Variants in ANXA6 observed in about 807,000 individuals in gnomAD.
ANXA6 encodes the protein 67 kDa calelectrin.
Under a neutral mutation model 95.4 loss-of-function variants are expected in ANXA6, and 71 were observed. The observed-to-expected ratio is 0.74, with a 90% confidence interval of 0.61 to 0.91. The LOEUF is 0.91. Ranked by LOEUF, ANXA6 falls within the 40% of genes least tolerant of loss-of-function variation. ANXA6 has a pLI of 0.00. For synonymous variants in ANXA6, 289 were observed against 315.9 expected (o/e 0.91, Z 0.90); for missense variants, 830 against 876.4 (o/e 0.95, Z 0.67).
At position 151,124,288 on chromosome 5, in the gene ANXA6, A is replaced by C; in HGVS notation, c.1136T>G (p.Leu379Arg). 6.2e-7 allele frequency: 1 copy of C among 1,613,416 alleles called. No homozygotes were observed. The highest frequency in any genetic ancestry group is 1.1e-5 in the South Asian group (1 of 90,918). The change falls in exon 15 of 26, where the codon CTC becomes CGC. Residue 379 changes from leucine (L) to arginine (R), a missense_variant and splice_region_variant. Physicochemically the swap from Leu to Arg is moderately radical, Grantham distance 102. Transcript: ENST00000354546. ...AKALRKAMKG[L>R]GTDEDTIIDI... ...TGCTCCCTTCCCATCCCCCATACCG[A>C]GTCCCTTCATGGCTTTCCGCAGCGC...
chr5:151,137,636 G>A (rs969575166), intron 5 of ANXA6, among the ~76,000 whole-genome samples: 4 of 152,248 alleles, frequency 2.6e-5, no homozygotes, highest in South Asian at 2.1e-4. Context: ...CTGTTCTCAC[G>A]ATCGTAAGTT....
intron 7 of ANXA6, 132 bp downstream of exon 7, chr5:151,136,124 G>T: frequency 1.3e-6 from 1 of 748,368 alleles, no homozygotes; most frequent in South Asian, 1.8e-5. Context: ...AGAGAAAGAG[G>T]ATTAGCCAAA....
At chr5:151,129,319 A>T in intron 12 of ANXA6, 88 bp downstream of exon 12, 1 of 1,534,368 alleles carries the variant, frequency 6.5e-7, no homozygotes, top group Non-Finnish European at 8.9e-7. Context: ...TTCCTAGGAC[A>T]TTTCCTTTTC....
At chr5:151,113,264 T>C (rs916030483) in intron 20 of ANXA6, among the ~76,000 whole-genome samples, 3 of 152,068 alleles carry the variant, frequency 2.0e-5, no homozygotes, top group African/African-American at 7.2e-5. Flanking sequence ...TAGCCGGGTG[T>C]GGTGGCAGGT....
At position 151,100,899 on chromosome 5, in the gene ANXA6, G is replaced by C. The variant is rs1408717418; in HGVS notation, c.*549C>G. On this transcript the variant is annotated 3_prime_UTR_variant, in exon 26 of 26. Transcript: ENST00000354546. ...GGGGCTGGCCTAAGGTCAGAAACAA[G>C]TGCATGGCAGATGCAGATTTGAACC... 2.2e-6 allele frequency: 1 copy of C among 456,412 alleles called. No homozygotes were observed. The highest frequency in any genetic ancestry group is 2.3e-5 in the Admixed American group (1 of 42,580). The allele number at this position is 456,412 out of a possible 1,614,324, so 28.3% of individuals were successfully genotyped here.
chr5:151,135,315 T>C (rs1765628179), intron 7 of ANXA6, among the ~76,000 whole-genome samples: 4 of 152,158 alleles, frequency 2.6e-5, no homozygotes, highest in South Asian at 2.1e-4. Context: ...GATACAGGGA[T>C]AGGACACTCC....
In ANXA6 at chr5:151,139,338, G is replaced by A. The variant is rs372716460; in HGVS notation, c.204+15C>T. 112 of 1,590,416 alleles carry A rather than the reference G, an allele frequency of 7.0e-5. No homozygotes were observed. Among genetic ancestry groups the A allele is most frequent in the Admixed American group, 1.2e-4 (7 of 58,516 alleles). ...TCCACCCGCACCCCATGGGCCCTCC[G>A]GTTGCTGTGGTTACCTTGCCGTAGA... On this transcript the variant is annotated intron_variant, in intron 4 of 25. Coordinates refer to ENST00000354546, the MANE Select transcript of ANXA6 (RefSeq NM_001155.5).
intron 1 of ANXA6, among the ~76,000 whole-genome samples, chr5:151,156,343 C>T (rs1395116799): frequency 6.6e-6 from 1 of 152,198 alleles, no homozygotes; most frequent in Admixed American, 6.5e-5. Flanking sequence ...CTCAAGAAGT[C>T]CCAGCACATC....
At chr5:151,154,597 G>A (rs187241499) in intron 1 of ANXA6, among the ~76,000 whole-genome samples, 43 of 152,178 alleles carry the variant, frequency 2.8e-4, no homozygotes, top group African/African-American at 8.9e-4. Context: ...CCCAGGACCC[G>A]CTCCATAACC....
chr5:151,127,645 G>A lies in ANXA6; in HGVS notation c.977+536C>T, dbSNP rs115027799. Reference sequence around the variant, plus strand: ...GGTCTGGGCTAGGGCATCTCTGTGTGCTTTTATATATGCTTTCTATGTGGC... The same window carrying A: ...GGTCTGGGCTAGGGCATCTCTGTGTACTTTTATATATGCTTTCTATGTGGC... On this transcript the variant is annotated intron_variant, in intron 13 of 25. Coordinates refer to ENST00000354546, the MANE Select transcript of ANXA6 (RefSeq NM_001155.5). Among the ~76,000 whole-genome samples, 594 of 152,244 alleles carry A rather than the reference G, an allele frequency of 3.9e-3. 5 individuals are homozygous for A. The highest frequency in any genetic ancestry group is 0.013 in the African/African-American group (556 of 41,528).
At position 151,101,207 on chromosome 5, in the gene ANXA6, G is replaced by A. The variant is rs1764537743; in HGVS notation, c.*241C>T. On this transcript the variant is annotated 3_prime_UTR_variant, in exon 26 of 26. Coordinates refer to ENST00000354546, the MANE Select transcript of ANXA6 (RefSeq NM_001155.5). ...AGCTGGGAAAGCCTGAGGGTCAGAGGGGAGTGGAGGTGGACAGGATCTATG... is the reference window on the plus strand; with the variant it reads ...AGCTGGGAAAGCCTGAGGGTCAGAGAGGAGTGGAGGTGGACAGGATCTATG... 1 of 605,248 alleles carries A rather than the reference G, an allele frequency of 1.7e-6. No homozygotes were observed. The highest frequency in any genetic ancestry group is 2.8e-5 in the East Asian group (1 of 35,186). 37.5% of individuals were successfully genotyped at this position (605,248 alleles called of 1,614,324 possible).
At chr5:151,101,725 G>C (rs1272163616) in intron 25 of ANXA6, among the ~76,000 whole-genome samples, 1 of 152,162 alleles carries the variant, frequency 6.6e-6, no homozygotes, top group African/African-American at 2.4e-5. Flanking sequence ...TCCCGGCCTG[G>C]CTTCAAGGCC....
At position 151,150,784 on chromosome 5, in the gene ANXA6, G is replaced by A. The variant is rs375556719; in HGVS notation, c.-25-2858C>T. 22 of 152,568 alleles carry A rather than the reference G, an allele frequency of 1.4e-4. No homozygotes were observed. In the East Asian group the frequency reaches 3.3e-3, roughly 23 times the overall value. 9.5% of individuals were successfully genotyped at this position (152,568 alleles called of 1,614,324 possible). On this transcript the variant is annotated intron_variant, in intron 1 of 25. Transcript: ENST00000354546. ...GGGATGAGGCTGGAGGCCAGCTCTC[G>A]GTTTCCTCTGACCTGGGGGATAGTA...
Position 151,139,364 on chromosome 5 carries a change from G to A in ANXA6, c.193C>T (p.Leu65Phe). The A allele has an allele frequency of 6.2e-7, 1 of 1,611,608 alleles. No individual in the cohort carries two copies. Among genetic ancestry groups the A allele is most frequent in the Non-Finnish European group, 8.5e-7 (1 of 1,178,532 alleles). The change falls in exon 4 of 26, where the codon CTC becomes TTC. Residue 65 changes from leucine to phenylalanine, a missense_variant. Coordinates refer to ENST00000354546, the MANE Select transcript of ANXA6 (RefSeq NM_001155.5). ...GTTGCTGTGGTTACCTTGCCGTAGAGGGACTTGTAGCTCTGGCAGACCTCC... is the reference window on the plus strand; with the variant it reads ...GTTGCTGTGGTTACCTTGCCGTAGAAGGACTTGTAGCTCTGGCAGACCTCC... ...RQEVCQSYKS[L>F]YGKDLIADLK... is the part of the protein sequence containing the mutation.
At chr5:151,129,667 A>G (rs1040546038) in intron 11 of ANXA6, 138 bp from the exon 12 acceptor site, 2 of 963,122 alleles carry the variant, frequency 2.1e-6, no homozygotes, top group Non-Finnish European at 3.0e-6. Context: ...TGCCATTCCC[A>G]TTGAAGCTCT....
intron 8 of ANXA6, 123 bp downstream of exon 8, chr5:151,134,304 G>A: frequency 2.2e-6 from 2 of 897,856 alleles, no homozygotes; most frequent in Admixed American, 3.6e-5. Context: ...TGACAGCTGT[G>A]GCTGGGTTAT....
In ANXA6 at chr5:151,156,431, G is replaced by A. The variant is rs563837948; in HGVS notation, c.-26+1249C>T. Among the ~76,000 whole-genome samples the A allele has an allele frequency of 2.3e-4, 35 of 152,342 alleles. No homozygotes were observed. In the East Asian group the frequency reaches 2.5e-3, roughly 11 times the overall value. On this transcript the variant is annotated intron_variant, in intron 1 of 25. Coordinates refer to ENST00000354546, the MANE Select transcript of ANXA6 (RefSeq NM_001155.5). ...TCAGGGCCTGCCTGCTAGGAGGTCA[G>A]GGTCCACAGGGGCTGAAACTGGGGC... is the stretch of plus-strand genomic sequence containing the variant.
intron 1 of ANXA6, among the ~76,000 whole-genome samples, chr5:151,156,759 G>T (rs777669701): frequency 6.6e-6 from 1 of 152,140 alleles, no homozygotes; most frequent in Non-Finnish European, 1.5e-5. Flanking sequence ...GTTGTGCCAG[G>T]CTTCCCAAAT....
intron 17 of ANXA6, 47 bp downstream of exon 17, chr5:151,122,100 C>T (rs2113915969): frequency 8.0e-7 from 1 of 1,255,212 alleles, no homozygotes; most frequent in Non-Finnish European, 1.1e-6. Context: ...TCACCTGTAT[C>T]CCTATTGGCA....
Sources: allele counts gnomAD v4.1 joint callset (sites outside exome capture counted in the v4.1 genomes callset), GRCh38; gene constraint gnomAD v4.1.1; transcripts MANE v1.5; gene names NCBI Gene and HGNC (gene_info 2026-07-23, HGNC 2026-07-21).